The following WDR93 variants were observed in gnomAD, a reference collection of about 807,000 sequenced individuals.
The protein encoded by WDR93 is WD repeat domain 93, also known as WD repeat-containing protein 93.
WDR93 carries 73 observed loss-of-function variants against 82.9 expected under a neutral mutation model. The observed-to-expected ratio is 0.88, with a 90% CI of 0.73 to 1.07. The LOEUF is 1.07. WDR93 is among the 50% of genes least tolerant of loss of function. The probability of loss-of-function intolerance (pLI) is 0.00; values close to 1 mark genes in which losing one functional copy is unlikely to be tolerated. For missense variants in WDR93, 738 were observed against 826.0 expected (o/e 0.89, Z 1.31); for synonymous variants, 283 against 300.1 (o/e 0.94, Z 0.59).
intron 15 of WDR93, 28 bp from the exon 16 acceptor site, chr15:89,738,013 A>G (rs768852409): frequency 1.4e-5 from 22 of 1,576,034 alleles, no homozygotes; most frequent in Non-Finnish European, 1.7e-5. Flanking sequence ...ATTGTTACAC[A>G]GAACATGGTG....
intron 11 of WDR93, among the ~76,000 whole-genome samples, chr15:89,730,457 A>G (rs1966850536): frequency 6.6e-6 from 1 of 152,174 alleles, no homozygotes; most frequent in Non-Finnish European, 1.5e-5. Context: ...CCCACTTTTC[A>G]TGCAGAACAT....
rs1207539743 is a variant in WDR93 at position 89,736,240 on chromosome 15, C to T, written c.1608+687C>T. On this transcript the variant is annotated intron_variant, in intron 14 of 16. Coordinates refer to ENST00000268130, the MANE Select transcript of WDR93 (RefSeq NM_020212.2). Reference sequence around the variant, plus strand: ...TTGCCAAAGGAGAGGGAAGCGTGCGCGGTTGATCCTCGCTTGCAGAGGTGA... The same window carrying T: ...TTGCCAAAGGAGAGGGAAGCGTGCGTGGTTGATCCTCGCTTGCAGAGGTGA... Among the ~76,000 whole-genome samples, 7 of 152,182 alleles carry T rather than the reference C, an allele frequency of 4.6e-5. No homozygotes were observed. In the East Asian group the frequency reaches 1.2e-3, roughly 25 times the overall value.
At chr15:89,701,212 C>T (rs1005409805) in intron 1 of WDR93, among the ~76,000 whole-genome samples, 1 of 152,022 alleles carries the variant, frequency 6.6e-6, no homozygotes, top group Non-Finnish European at 1.5e-5. Context: ...GTCTGCAGAA[C>T]TTCTGGGCAG....
intron 5 of WDR93, among the ~76,000 whole-genome samples, chr15:89,713,300 C>T (rs2141632680): frequency 6.6e-6 from 1 of 152,238 alleles, no homozygotes; most frequent in South Asian, 2.1e-4. Context: ...CAGCACTCAT[C>T]ATTGGATCTT....
At chr15:89,742,971 A>G (rs1201530774) in intron 16 of WDR93, among the ~76,000 whole-genome samples, 1 of 152,248 alleles carries the variant, frequency 6.6e-6, no homozygotes, top group African/African-American at 2.4e-5. Flanking sequence ...CATGTGTCAG[A>G]ACATCTTCCT....
intron 4 of WDR93, among the ~76,000 whole-genome samples, chr15:89,709,360 C>T (rs1470155294): frequency 3.3e-5 from 5 of 152,004 alleles, no homozygotes; most frequent in African/African-American, 9.7e-5. Flanking sequence ...AACCAGATAA[C>T]TAGAACTAAT....
At chr15:89,716,627 G>A (rs970165548) in intron 6 of WDR93, among the ~76,000 whole-genome samples, 2 of 152,180 alleles carry the variant, frequency 1.3e-5, no homozygotes, top group African/African-American at 4.8e-5. Flanking sequence ...TTGGATTCTT[G>A]TAATGGTGTT....
chr15:89,727,796 A>C (rs1966796755), intron 9 of WDR93, among the ~76,000 whole-genome samples: 1 of 152,050 alleles, frequency 6.6e-6, no homozygotes, highest in African/African-American at 2.4e-5. Context: ...ATCTAAAAGC[A>C]CAGAGGCTGG....
At chr15:89,737,927 C>G (rs1277110608) in intron 15 of WDR93, 114 bp from the exon 16 acceptor site, 3 of 1,347,806 alleles carry the variant, frequency 2.2e-6, no homozygotes, top group African/African-American at 2.9e-5. Context: ...ACAGCTCAAC[C>G]CAGATGACCC....
intron 3 of WDR93, 124 bp from the exon 4 acceptor site, chr15:89,705,430 T>C: frequency 1.4e-6 from 1 of 702,700 alleles, no homozygotes. Flanking sequence ...GTGGAGGGGC[T>C]GGGAAGGAGG....
chr15:89,719,676 T>C (rs887130813), intron 7 of WDR93: 1 of 152,198 alleles, frequency 6.6e-6, no homozygotes, highest in African/African-American at 2.4e-5. Context: ...TTTAGTTTCA[T>C]ATATTTTTCC....
chr15:89,705,522 T>C (rs1340338631), intron 3 of WDR93, 32 bp from the exon 4 acceptor site: 1 of 1,290,260 alleles, frequency 7.8e-7, no homozygotes, highest in South Asian at 1.2e-5. Flanking sequence ...CAATTGTCTG[T>C]CTTAACATTC....
chr15:89,721,954 T>G, intron 7 of WDR93, 101 bp from the exon 8 acceptor site: 1 of 788,678 alleles, frequency 1.3e-6, no homozygotes, highest in East Asian at 2.8e-5. Flanking sequence ...CTTATTTTTC[T>G]TTTTCCCCTT....
In WDR93 at chr15:89,729,671, C is replaced by A. The variant is rs1480000833; in HGVS notation, c.1124-12C>A. ...ACACCCATTTTCTGTCTTTCCCCCG[C>A]CCCCCCACCAGGAATGGCCTGTGTC... On this transcript the variant is annotated splice_polypyrimidine_tract_variant and intron_variant, in intron 10 of 16. Transcript: ENST00000268130. 1 of 1,605,150 alleles carries A rather than the reference C, an allele frequency of 6.2e-7. No individual in the cohort carries two copies. The highest frequency in any genetic ancestry group is 2.2e-5 in the East Asian group (1 of 44,724).
At chr15:89,737,965 A>G in intron 15 of WDR93, 76 bp from the exon 16 acceptor site, 1 of 1,456,906 alleles carries the variant, frequency 6.9e-7, no homozygotes, top group Non-Finnish European at 9.3e-7. Context: ...AGCAGCCCCC[A>G]CCTGCTCACC....
chr15:89,725,903 T>A (rs573495138), intron 8 of WDR93, among the ~76,000 whole-genome samples: 9 of 152,334 alleles, frequency 5.9e-5, no homozygotes, highest in African/African-American at 2.2e-4. Flanking sequence ...ACCAGAGGTT[T>A]GCTTTATAAT....
Position 89,738,251 on chromosome 15 carries a change from G to A in WDR93, c.1961+15G>A, listed in dbSNP as rs376757063. 3 of 1,576,406 alleles carry A rather than the reference G, an allele frequency of 1.9e-6. No homozygotes were observed. In the African/African-American group the frequency reaches 4.1e-5, roughly 22 times the overall value. Reference sequence around the variant, plus strand: ...CTCCAGAAGAGGTAAAGAGCTCTGTGTCTTCACCCCCTCCCACATCTGAGG... The same window carrying A: ...CTCCAGAAGAGGTAAAGAGCTCTGTATCTTCACCCCCTCCCACATCTGAGG... On this transcript the variant is annotated intron_variant, in intron 16 of 16. Transcript: ENST00000268130.
At chr15:89,716,391 C>T (rs1051759823) in intron 6 of WDR93, among the ~76,000 whole-genome samples, 1 of 152,130 alleles carries the variant, frequency 6.6e-6, no homozygotes, top group African/African-American at 2.4e-5. Context: ...ACTTGGTACT[C>T]AAAAAGATAT....
chr15:89,692,144 C>T (rs1195315247), intron 1 of WDR93, among the ~76,000 whole-genome samples: 3 of 152,246 alleles, frequency 2.0e-5, no homozygotes, highest in African/African-American at 7.2e-5. Context: ...CGTACCTCTG[C>T]AAGCAGCCAT....
Sources: allele counts gnomAD v4.1 joint callset (sites outside exome capture counted in the v4.1 genomes callset), GRCh38; gene constraint gnomAD v4.1.1; transcripts MANE v1.5; gene names NCBI Gene and HGNC (gene_info 2026-07-23, HGNC 2026-07-21).